The following MEGF8 variants were observed in gnomAD, a reference collection of about 807,000 sequenced individuals.
MEGF8 encodes the protein multiple EGF like domains 8, also known as multiple epidermal growth factor-like domains protein 8.
Under a neutral mutation model 302.9 loss-of-function variants are expected in MEGF8, and 156 were observed. The observed-to-expected ratio is 0.52, with a 90% CI of 0.45 to 0.59. The LOEUF is 0.59. Among genes scored for constraint, MEGF8 ranks in the 20% least tolerant of loss-of-function variants. MEGF8 has a pLI of 0.00. For synonymous variants in MEGF8, 1,621 were observed against 1,660.5 expected, an observed-to-expected ratio of 0.98 and a Z score of 0.58; for missense variants, 3,345 against 3,964.5, an observed-to-expected ratio of 0.84 and a Z score of 4.20.
chr19:42,331,240 G>A (rs1349267909), intron 1 of MEGF8, among the ~76,000 whole-genome samples: 1 of 152,220 alleles, frequency 6.6e-6, no homozygotes, highest in Non-Finnish European at 1.5e-5. Flanking sequence ...AAGGCTCAGA[G>A]AGCCCATGGA....
intron 8 of MEGF8, among the ~76,000 whole-genome samples, chr19:42,340,602 A>G (rs758054040): frequency 6.6e-6 from 1 of 152,128 alleles, no homozygotes; most frequent in Non-Finnish European, 1.5e-5. Flanking sequence ...TGGGCCTCCC[A>G]AAGTGCTAGG....
intron 32 of MEGF8, 149 bp downstream of exon 32, chr19:42,361,155 C>G: frequency 1.2e-6 from 1 of 805,742 alleles, no homozygotes; most frequent in Non-Finnish European, 1.8e-6. Flanking sequence ...CGGGGGAGCT[C>G]TGAGTGGGGA....
chr19:42,352,819 T>C lies in MEGF8; in HGVS notation c.3351-109T>C, dbSNP rs914915476. 8.1e-6 allele frequency: 7 copies of C among 865,032 alleles called. No individual in the cohort carries two copies. The highest frequency in any genetic ancestry group is 1.3e-5 in the Non-Finnish European group (7 of 551,902). The allele number at this position is 865,032 out of a possible 1,614,324, so 53.6% of individuals were successfully genotyped here. On this transcript the variant is annotated intron_variant, in intron 19 of 41. Coordinates refer to ENST00000251268, the MANE Select transcript of MEGF8 (RefSeq NM_001271938.2). The surrounding 1 kb of genome is among the most constrained non-coding windows in gnomAD (Gnocchi z 4.4). ...GGGTCACCCACATAGCCCAAAACCA[T>C]GGAAACAGCCAGTGGCTTTGATGGT...
At chr19:42,326,578 C>A in intron 1 of MEGF8, 148 bp downstream of exon 1, 1 of 1,321,010 alleles carries the variant, frequency 7.6e-7, no homozygotes, top group Non-Finnish European at 9.9e-7. Flanking sequence ...CCAACCTGGG[C>A]CCTGCCCTGG....
Position 42,353,226 on chromosome 19 carries a change from T to A in MEGF8, c.3550+99T>A. ...TCTTGGAGGGGGCCTCAGTGTCCTCTCATGCAGCTCTAGGTCCCCTGCCCC... is the reference window on the plus strand; with the variant it reads ...TCTTGGAGGGGGCCTCAGTGTCCTCACATGCAGCTCTAGGTCCCCTGCCCC... On this transcript the variant is annotated intron_variant, in intron 20 of 41. Coordinates refer to ENST00000251268, the MANE Select transcript of MEGF8 (RefSeq NM_001271938.2). This position sits in a 1 kb window ranked among gnomAD's most constrained non-coding sequence, Gnocchi z 6.1. 1 of 1,189,864 alleles carries A rather than the reference T, an allele frequency of 8.4e-7. No homozygotes were observed. The highest frequency in any genetic ancestry group is 1.2e-6 in the Non-Finnish European group (1 of 863,284). The allele number at this position is 1,189,864 out of a possible 1,614,324, so 73.7% of individuals were successfully genotyped here. A position where few individuals can be genotyped will look rare whatever the true frequency, so the allele number is the denominator to read the frequency against.
At chr19:42,342,529 T>C (rs1352618793) in intron 8 of MEGF8, among the ~76,000 whole-genome samples, 1 of 151,622 alleles carries the variant, frequency 6.6e-6, no homozygotes, top group East Asian at 1.9e-4. Context: ...CTCAGCTACT[T>C]GGGAGGCTGA....
In MEGF8 at chr19:42,357,322, T is replaced by G. The variant is rs1442911440; in HGVS notation, c.4831-82T>G. The G allele has an allele frequency of 3.3e-6, 5 of 1,503,770 alleles. No homozygotes were observed. The East Asian group carries it at 1.1e-4, about 34-fold the overall frequency. 93.2% of individuals were successfully genotyped at this position (1,503,770 alleles called of 1,614,324 possible). A position where few individuals can be genotyped will look rare whatever the true frequency, so the allele number is the denominator to read the frequency against. ...CTCCTTAGTACTTCAGGGAGGACTG[T>G]GGGGGGCTGAGGCTCGCTTCTACCC... On this transcript the variant is annotated intron_variant, in intron 27 of 41. Transcript: ENST00000251268. The surrounding 1 kb of genome is among the most constrained non-coding windows in gnomAD (Gnocchi z 5.2).
intron 39 of MEGF8, 141 bp from the exon 40 acceptor site, chr19:42,370,560 C>T (rs1456659613): frequency 4.9e-6 from 5 of 1,021,298 alleles, no homozygotes; most frequent in Non-Finnish European, 7.0e-6. Flanking sequence ...GGCCTGGACT[C>T]CTGGATCTGA....
In MEGF8 at chr19:42,351,908, T is replaced by C; in HGVS notation, c.3101+147T>C. 5.3e-6 allele frequency: 4 copies of C among 752,428 alleles called. No individual in the cohort carries two copies. The highest frequency in any genetic ancestry group is 8.6e-6 in the Non-Finnish European group (4 of 463,988). The allele number at this position is 752,428 out of a possible 1,614,324, so 46.6% of individuals were successfully genotyped here. On this transcript the variant is annotated intron_variant, in intron 18 of 41. Coordinates refer to ENST00000251268, the MANE Select transcript of MEGF8 (RefSeq NM_001271938.2). This position sits in a 1 kb window ranked among gnomAD's most constrained non-coding sequence, Gnocchi z 5.6. Reference sequence around the variant, plus strand: ...CGTACTGTTTTTCTGTTGTTTATTTTACCCTCCCGCTCTTTTTTCTCCATT... The same window carrying C: ...CGTACTGTTTTTCTGTTGTTTATTTCACCCTCCCGCTCTTTTTTCTCCATT...
chr19:42,368,153 A>C lies in MEGF8; in HGVS notation c.6274-302A>C, dbSNP rs567786242. On this transcript the variant is annotated intron_variant, in intron 35 of 41. Transcript: ENST00000251268. The surrounding 1 kb of genome is among the most constrained non-coding windows in gnomAD (Gnocchi z 4.9). ...GGCTGGTCTGGAACTCTTGGGCTCA[A>C]GTGATCCTCCCACTGTAGCCTCCCA... Among the ~76,000 whole-genome samples the C allele has an allele frequency of 2.6e-5, 4 of 152,250 alleles. No individual in the cohort carries two copies. In the East Asian group the frequency reaches 5.8e-4, roughly 22 times the overall value.
In MEGF8 at chr19:42,354,574, C is replaced by T. The variant is rs776572492; in HGVS notation, c.4012-14C>T. On this transcript the variant is annotated splice_polypyrimidine_tract_variant and intron_variant, in intron 22 of 41. Coordinates refer to ENST00000251268, the MANE Select transcript of MEGF8 (RefSeq NM_001271938.2). The surrounding 1 kb of genome is among the most constrained non-coding windows in gnomAD (Gnocchi z 4.3). The stretch of plus-strand genomic sequence containing the variant: ...CCTCATTGTCTCCTAATCCTCGATT[C>T]TGCACCCCTCTAGCTGAGCTACGTC... 1 of 1,607,522 alleles carries T rather than the reference C, an allele frequency of 6.2e-7. No individual in the cohort carries two copies.
At position 42,344,650 on chromosome 19, in the gene MEGF8, C is replaced by G; in HGVS notation, c.1934-20C>G. 1 of 1,561,886 alleles carries G rather than the reference C, an allele frequency of 6.4e-7. No individual in the cohort carries two copies. Among genetic ancestry groups the G allele is most frequent in the Non-Finnish European group, 8.7e-7 (1 of 1,150,154 alleles). On this transcript the variant is annotated intron_variant, in intron 11 of 41. Transcript: ENST00000251268. This position sits in a 1 kb window ranked among gnomAD's most constrained non-coding sequence, Gnocchi z 4.5. ...AGCACTCCACACTGACCCACCGGCC[C>G]CCACCCCCTGTCTTCTCAGAGCAGG...
intron 9 of MEGF8, 51 bp downstream of exon 9, chr19:42,343,682 G>C: frequency 6.5e-7 from 1 of 1,531,496 alleles, no homozygotes; most frequent in Non-Finnish European, 8.8e-7. Context: ...GAGGTAGCAG[G>C]GTTTCCACAG....
Position 42,354,498 on chromosome 19 carries a change from C to A in MEGF8, c.4012-90C>A. The A allele has an allele frequency of 7.0e-7, 1 of 1,430,400 alleles. No individual in the cohort carries two copies. The highest frequency in any genetic ancestry group is 9.5e-7 in the Non-Finnish European group (1 of 1,049,338). 88.6% of individuals were successfully genotyped at this position (1,430,400 alleles called of 1,614,324 possible). The stretch of plus-strand genomic sequence containing the variant: ...CAGCCCATTTCCCAGTCTCAGATTG[C>A]CCTCCCCTCTTGAACCCCTCCTCCT... On this transcript the variant is annotated intron_variant, in intron 22 of 41. Coordinates refer to ENST00000251268, the MANE Select transcript of MEGF8 (RefSeq NM_001271938.2). The surrounding 1 kb of genome is among the most constrained non-coding windows in gnomAD (Gnocchi z 4.3).
chr19:42,357,253 G>T lies in MEGF8; in HGVS notation c.4831-151G>T, dbSNP rs570478165. The T allele has an allele frequency of 3.0e-6, 3 of 1,010,766 alleles. No individual in the cohort carries two copies. The highest frequency in any genetic ancestry group is 5.1e-5 in the East Asian group (2 of 39,236). 62.6% of individuals were successfully genotyped at this position (1,010,766 alleles called of 1,614,324 possible). A position where few individuals can be genotyped will look rare whatever the true frequency, so the allele number is the denominator to read the frequency against. On this transcript the variant is annotated intron_variant, in intron 27 of 41. Coordinates refer to ENST00000251268, the MANE Select transcript of MEGF8 (RefSeq NM_001271938.2). The surrounding 1 kb of genome is among the most constrained non-coding windows in gnomAD (Gnocchi z 5.2). ...ATGCCAAGGGGCCCACTGTGCCTCT[G>T]CCAGGACCCAGGCTGGTCCGACTGG...
At position 42,356,920 on chromosome 19, in the gene MEGF8, G is replaced by C; in HGVS notation, c.4769G>C (p.Gly1590Ala). ...AMYLLGGLTAGGVTRDFWVLN... is the reference protein window; with the variant it reads ...AMYLLGGLTAAGVTRDFWVLN... ...TATCTGCTGGGGGGACTTACCGCTG[G>C]AGGCGTCACCCGTGATTTCTGGGTC... Residue 1590 changes from glycine (G) to alanine (A), a missense_variant, in exon 27 of 42, where the codon GGA becomes GCA. Transcript: ENST00000251268. This position sits in a 1 kb window ranked among gnomAD's most constrained non-coding sequence, Gnocchi z 5.2. 4.3e-6 allele frequency: 7 copies of C among 1,610,928 alleles called. No homozygotes were observed. Among genetic ancestry groups the C allele is most frequent in the Non-Finnish European group, 5.9e-6 (7 of 1,178,772 alleles).
At chr19:42,346,050 G>A (rs991885359) in intron 12 of MEGF8, among the ~76,000 whole-genome samples, 1 of 152,096 alleles carries the variant, frequency 6.6e-6, no homozygotes. Context: ...ACAGGCACTT[G>A]CCACCACACT....
At position 42,351,364 on chromosome 19, in the gene MEGF8, G is replaced by C. The variant is rs1341522345; in HGVS notation, c.2855+30G>C. ...GTCAGGCTGGGTGCAGGGAGTGGGTGGGTGGATGTGCCTGGGGATGTGTGC... is the reference window on the plus strand; with the variant it reads ...GTCAGGCTGGGTGCAGGGAGTGGGTCGGTGGATGTGCCTGGGGATGTGTGC... On this transcript the variant is annotated intron_variant, in intron 16 of 41. Transcript: ENST00000251268. The surrounding 1 kb of genome is among the most constrained non-coding windows in gnomAD (Gnocchi z 5.6). The C allele has an allele frequency of 4.5e-6, 7 of 1,568,354 alleles. No homozygotes were observed. Among genetic ancestry groups the C allele is most frequent in the Middle Eastern group, 1.7e-4 (1 of 5,978 alleles).
chr19:42,371,402 T>C lies in MEGF8; in HGVS notation c.7189T>C (p.Cys2397Arg). The C allele has an allele frequency of 6.2e-7, 1 of 1,613,914 alleles. No individual in the cohort carries two copies. ...DTCNEQDGTG[C>R]PCQNNTETGT... Reference sequence around the variant, plus strand: ...ATGTAACGAGCAGGATGGGACGGGCTGTCCATGTCAGAATAACACAGAGAC... The same window carrying C: ...ATGTAACGAGCAGGATGGGACGGGCCGTCCATGTCAGAATAACACAGAGAC... Residue 2397 changes from cysteine (C) to arginine (R), a missense_variant, in exon 41 of 42, where the codon TGT (cysteine) becomes CGT (arginine). Physicochemically the swap from Cys to Arg is radical, Grantham distance 180 (BLOSUM62 -3). Coordinates refer to ENST00000251268, the MANE Select transcript of MEGF8 (RefSeq NM_001271938.2).
Sources: gnomAD v4.1 joint callset for allele counts (sites outside exome capture counted in the v4.1 genomes callset) on GRCh38, gnomAD v4.1.1 for gene constraint, Gnocchi (gnomAD v3.1) non-coding constraint, MANE v1.5 for transcripts, NCBI Gene and HGNC (gene_info 2026-07-23, HGNC 2026-07-21) for gene names.